The following LYPLAL1 variants were observed in gnomAD, a reference collection of about 807,000 sequenced individuals.
The protein encoded by LYPLAL1 is lysophospholipase-like protein 1.
Under a neutral mutation model 19.7 loss-of-function variants are expected in LYPLAL1, and 23 were observed. That is an observed-to-expected ratio of 1.17 (90% CI 0.84 to 1.65). LYPLAL1 has a LOEUF of 1.65. Ranked by LOEUF, LYPLAL1 falls within the 40% of genes most tolerant of loss-of-function variation. The probability of loss-of-function intolerance (pLI) is 0.00; values close to 1 mark genes in which losing one functional copy is unlikely to be tolerated. For synonymous variants in LYPLAL1, 119 were observed against 96.3 expected (o/e 1.24, Z -1.38); for missense variants, 355 against 279.4 (o/e 1.27, Z -1.93).
chr1:219,208,878 G>C (rs1658779438), intron 3 of LYPLAL1, among the ~76,000 whole-genome samples: 1 of 152,014 alleles, frequency 6.6e-6, no homozygotes, highest in Non-Finnish European at 1.5e-5. Flanking sequence ...TACAATAAAT[G>C]TTTACCAGAA....
At chr1:219,441,649 C>A in the LYPLAL1 span, among the ~76,000 whole-genome samples, 10 of 152,274 alleles carry the variant, frequency 6.6e-5, no homozygotes, top group East Asian at 1.9e-3. Flanking sequence ...AAAATTAAGT[C>A]TCAGAAACAC....
the LYPLAL1 span, among the ~76,000 whole-genome samples, chr1:219,261,497 C>T: frequency 1.3e-5 from 2 of 152,170 alleles, no homozygotes; most frequent in Non-Finnish European, 2.9e-5. Flanking sequence ...AATACTAACT[C>T]ATGAAGAAAA....
At chr1:219,322,056 A>G in the LYPLAL1 span, among the ~76,000 whole-genome samples, 1 of 152,212 alleles carries the variant, frequency 6.6e-6, no homozygotes, top group Admixed American at 6.5e-5. Flanking sequence ...TGGAATATCA[A>G]GAACTGGCTT....
the LYPLAL1 span, among the ~76,000 whole-genome samples, chr1:219,393,147 T>C: frequency 6.6e-6 from 1 of 152,158 alleles, no homozygotes. Context: ...GCACATATCT[T>C]ATGGCGGGAT....
chr1:219,346,374 T>G, the LYPLAL1 span, among the ~76,000 whole-genome samples: 1 of 151,866 alleles, frequency 6.6e-6, no homozygotes, highest in Non-Finnish European at 1.5e-5. Flanking sequence ...TGATACCGTC[T>G]GGGAGAACTG....
chr1:219,420,295 A>G, the LYPLAL1 span, among the ~76,000 whole-genome samples: 3 of 152,240 alleles, frequency 2.0e-5, no homozygotes, highest in African/African-American at 7.2e-5. Flanking sequence ...AATTTCACCA[A>G]ATAAAAGGTT....
At chr1:219,377,105 G>T in the LYPLAL1 span, among the ~76,000 whole-genome samples, 26 of 152,114 alleles carry the variant, frequency 1.7e-4, 2 homozygotes, top group South Asian at 4.8e-3. Flanking sequence ...CAGATGAGTG[G>T]GCAAACACAA....
chr1:219,375,710 C>G, the LYPLAL1 span, among the ~76,000 whole-genome samples: 2 of 151,104 alleles, frequency 1.3e-5, no homozygotes. Context: ...AAAAGAAAAA[C>G]CAAATTGGAG....
the LYPLAL1 span, among the ~76,000 whole-genome samples, chr1:219,445,029 A>G: frequency 6.6e-6 from 1 of 152,042 alleles, no homozygotes. Flanking sequence ...TATGCTTTCT[A>G]GACCACAACC....
At chr1:219,326,290 G>A in the LYPLAL1 span, among the ~76,000 whole-genome samples, 1 of 27,386 alleles carries the variant, frequency 3.7e-5, no homozygotes, top group African/African-American at 1.7e-4. Flanking sequence ...AGGGTTTTTT[G>A]TTTTTGGTGG....
At chr1:219,410,692 C>G in the LYPLAL1 span, among the ~76,000 whole-genome samples, 1 of 152,186 alleles carries the variant, frequency 6.6e-6, no homozygotes, top group African/African-American at 2.4e-5. Context: ...GCGGCACTTG[C>G]GGGCCAGCTG....
At chr1:219,413,422 A>G in the LYPLAL1 span, among the ~76,000 whole-genome samples, 2 of 152,212 alleles carry the variant, frequency 1.3e-5, no homozygotes, top group Admixed American at 1.3e-4. Flanking sequence ...ACACCTTCCA[A>G]ATTCAATCCA....
chr1:219,434,147 A>G, the LYPLAL1 span, among the ~76,000 whole-genome samples: 1 of 152,322 alleles, frequency 6.6e-6, no homozygotes, highest in Middle Eastern at 3.4e-3. Flanking sequence ...GAAGTGGCTT[A>G]TTTTTGTCAC....
At chr1:219,355,294 A>G in the LYPLAL1 span, among the ~76,000 whole-genome samples, 1 of 152,254 alleles carries the variant, frequency 6.6e-6, no homozygotes, top group Non-Finnish European at 1.5e-5. Context: ...AAAACAAAAT[A>G]AACAACATAC....
the LYPLAL1 span, among the ~76,000 whole-genome samples, chr1:219,436,428 T>C: frequency 6.6e-6 from 1 of 152,194 alleles, no homozygotes; most frequent in Non-Finnish European, 1.5e-5. Flanking sequence ...TTTTTTCTGA[T>C]TTTAAAAGAA....
intron 3 of LYPLAL1, among the ~76,000 whole-genome samples, chr1:219,195,088 A>G (rs1290977596): frequency 6.6e-6 from 1 of 152,048 alleles, no homozygotes; most frequent in Non-Finnish European, 1.5e-5. Context: ...CCTACACTTA[A>G]TTTTTGCTAC....
chr1:219,184,311 C>T lies in LYPLAL1; in HGVS notation c.191+5065C>T, dbSNP rs575981675. ...TTATTGTAAATGGAATGTTAAAAAA[C>T]TTAATTTTCAAATTGTTGCTAGTAC... is the stretch of plus-strand genomic sequence containing the variant. On this transcript the variant is annotated intron_variant, in intron 2 of 4. Transcript: ENST00000366928. Among the ~76,000 whole-genome samples, 9 of 151,990 alleles carry T rather than the reference C, an allele frequency of 5.9e-5. No individual in the cohort carries two copies. The East Asian group carries it at 9.7e-4, about 16-fold the overall frequency.
the LYPLAL1 span, among the ~76,000 whole-genome samples, chr1:219,322,484 A>G: frequency 6.6e-6 from 1 of 152,188 alleles, no homozygotes; most frequent in African/African-American, 2.4e-5. Context: ...CATATAAAAC[A>G]TATTCTATAT....
the LYPLAL1 span, among the ~76,000 whole-genome samples, chr1:219,429,680 TAAG>T: frequency 1.3e-5 from 2 of 151,836 alleles, no homozygotes; most frequent in African/African-American, 4.8e-5. Context: ...AATAAATAAA[TAAG>T]AAAGAAATTC....
Sources: allele counts gnomAD v4.1 joint callset (sites outside exome capture counted in the v4.1 genomes callset), GRCh38; gene constraint gnomAD v4.1.1; transcripts MANE v1.5; gene names NCBI Gene and HGNC (gene_info 2026-07-23, HGNC 2026-07-21).